PTPRM: variants seen among roughly 807,000 people sequenced by gnomAD.
PTPRM encodes protein tyrosine phosphatase receptor type M.
Under a neutral mutation model 186.7 loss-of-function variants are expected in PTPRM, and 47 were observed. The ratio of observed to expected loss-of-function variants is 0.25; its 90% confidence interval spans 0.20 to 0.32. The LOEUF (loss-of-function observed/expected upper bound fraction) is 0.32. Among genes scored for constraint, PTPRM ranks in the 10% least tolerant of loss-of-function variants. The probability of loss-of-function intolerance (pLI) is 1.00; values close to 1 mark genes in which losing one functional copy is unlikely to be tolerated. For missense variants in PTPRM, 1,494 were observed against 1,865.0 expected, an observed-to-expected ratio of 0.80 and a Z score of 3.66; for synonymous variants, 668 against 674.9, an observed-to-expected ratio of 0.99 and a Z score of 0.16.
rs2052776898 is a variant in PTPRM at position 7,949,323 on chromosome 18, G to T, written c.806G>T (p.Gly269Val). 1 of 1,613,846 alleles carries T rather than the reference G, an allele frequency of 6.2e-7. No homozygotes were observed. Among genetic ancestry groups the T allele is most frequent in the South Asian group, 1.1e-5 (1 of 91,030 alleles). ...ATGATTCGCACTGAAGGAGGTGTTGGAATATCAAACTATGCAGAGTTGGTA... is the reference window on the plus strand; with the variant it reads ...ATGATTCGCACTGAAGGAGGTGTTGTAATATCAAACTATGCAGAGTTGGTA... The part of the protein sequence containing the change: ...RCMIRTEGGV[G>V]ISNYAELVVK... Residue 269 changes from glycine (G) to valine (V), a missense_variant, in exon 6 of 33, where the codon GGA becomes GTA. Gly to Val is a moderately radical substitution (Grantham distance 109). Transcript: ENST00000580170.
At position 8,150,716 on chromosome 18, in the gene PTPRM, G is replaced by A. The variant is rs115682046; in HGVS notation, c.2300+6937G>A. Among the ~76,000 whole-genome samples, 358 of 152,234 alleles carry A rather than the reference G, an allele frequency of 2.4e-3. 1 individual carries two copies. Among genetic ancestry groups the A allele is most frequent in the African/African-American group, 8.2e-3 (339 of 41,548 alleles). ...GGCGAGGAATTATGATCCTTTGGAGGAGAAGAGACATTCTGGTTTTGGAAT... is the reference window on the plus strand; with the variant it reads ...GGCGAGGAATTATGATCCTTTGGAGAAGAAGAGACATTCTGGTTTTGGAAT... On this transcript the variant is annotated intron_variant, in intron 14 of 32. Coordinates refer to ENST00000580170, the MANE Select transcript of PTPRM (RefSeq NM_001105244.2).
At chr18:8,106,235 G>T (rs1235062213) in intron 11 of PTPRM, among the ~76,000 whole-genome samples, 1 of 152,174 alleles carries the variant, frequency 6.6e-6, no homozygotes, top group East Asian at 1.9e-4. Context: ...CCAGCTCATT[G>T]TCTTCCATCT....
chr18:7,938,928 A>G (rs1599624385), intron 5 of PTPRM, among the ~76,000 whole-genome samples: 1 of 152,312 alleles, frequency 6.6e-6, no homozygotes, highest in East Asian at 1.9e-4. Context: ...TTTTAGTTTT[A>G]GTACAGTACT....
intron 23 of PTPRM, among the ~76,000 whole-genome samples, chr18:8,359,568 ACTTTGT>A (rs1376539103): frequency 7.9e-5 from 12 of 152,120 alleles, no homozygotes; most frequent in African/African-American, 2.7e-4. Context: ...GTCACCTCTA[ACTTTGT>A]CTGCCACAGT....
intron 14 of PTPRM, among the ~76,000 whole-genome samples, chr18:8,224,114 C>A (rs1163330931): frequency 6.6e-6 from 1 of 152,162 alleles, no homozygotes; most frequent in Admixed American, 6.5e-5. Context: ...CAGATGGCTT[C>A]TTTAATGATG....
At chr18:8,009,736 A>AT (rs565834981) in intron 7 of PTPRM, among the ~76,000 whole-genome samples, 41 of 152,220 alleles carry the variant, frequency 2.7e-4, no homozygotes, top group South Asian at 1.0e-3. Flanking sequence ...AAAATAAAAA[A>AT]ATCACTTTTT....
intron 7 of PTPRM, among the ~76,000 whole-genome samples, chr18:7,957,252 T>A (rs1308402111): frequency 1.3e-5 from 2 of 152,120 alleles, no homozygotes; most frequent in African/African-American, 4.8e-5. Context: ...CATTGCTGTA[T>A]ATATATCCAC....
At chr18:7,809,671 G>A (rs561493692) in intron 2 of PTPRM, among the ~76,000 whole-genome samples, 55 of 152,168 alleles carry the variant, frequency 3.6e-4, no homozygotes, top group Non-Finnish European at 5.0e-4. Flanking sequence ...ATTTCCTACC[G>A]TAAGCTCATC....
intron 7 of PTPRM, among the ~76,000 whole-genome samples, chr18:7,963,282 AC>A (rs1438147109): frequency 6.6e-6 from 1 of 152,172 alleles, no homozygotes; most frequent in African/African-American, 2.4e-5. Flanking sequence ...TGTAATTAAT[AC>A]CTAAACCTCA....
At chr18:7,750,293 A>G (rs1253110054) in intron 1 of PTPRM, among the ~76,000 whole-genome samples, 1 of 152,228 alleles carries the variant, frequency 6.6e-6, no homozygotes, top group Non-Finnish European at 1.5e-5. Flanking sequence ...AGAACACTCA[A>G]GTGATTTCTA....
chr18:8,226,810 G>A lies in PTPRM; in HGVS notation c.2301-17248G>A, dbSNP rs573585066. 6.6e-5 allele frequency among the ~76,000 whole-genome samples: 10 copies of A among 152,304 alleles called. No homozygotes were observed. In the East Asian group the frequency reaches 1.9e-3, roughly 29 times the overall value. On this transcript the variant is annotated intron_variant, in intron 14 of 32. Coordinates refer to ENST00000580170, the MANE Select transcript of PTPRM (RefSeq NM_001105244.2). ...CTTGGCTAAAGTCAAGGTGTCAGCA[G>A]GGCTGTGTTCCTTTCTGGGACTCTA... is the stretch of plus-strand genomic sequence containing the variant.
chr18:8,155,937 AT>A (rs2093111891), intron 14 of PTPRM, among the ~76,000 whole-genome samples: 1 of 152,266 alleles, frequency 6.6e-6, no homozygotes, highest in South Asian at 2.1e-4. Context: ...TGTGACAATT[AT>A]TTAAAATATG....
chr18:7,882,614 GTGAAT>G (rs1021732978), intron 2 of PTPRM, among the ~76,000 whole-genome samples: 2 of 152,200 alleles, frequency 1.3e-5, no homozygotes, highest in Non-Finnish European at 2.9e-5. Context: ...AGTTTAAAAA[GTGAAT>G]TTTATAATAG....
At chr18:7,652,036 G>T (rs1294437212) in intron 1 of PTPRM, among the ~76,000 whole-genome samples, 1 of 152,144 alleles carries the variant, frequency 6.6e-6, no homozygotes, top group Non-Finnish European at 1.5e-5. Context: ...AATCTACAAT[G>T]AACTCAAACA....
intron 1 of PTPRM, among the ~76,000 whole-genome samples, chr18:7,665,060 A>G (rs929321400): frequency 1.3e-5 from 2 of 152,102 alleles, no homozygotes; most frequent in African/African-American, 4.8e-5. Context: ...GGAGGTGAAA[A>G]TGTAGGAGTT....
chr18:7,846,654 A>G (rs1768090543), intron 2 of PTPRM, among the ~76,000 whole-genome samples: 1 of 152,160 alleles, frequency 6.6e-6, no homozygotes. Flanking sequence ...GCCATGTTTT[A>G]TTAATTTCAC....
chr18:7,897,505 A>G (rs1207992671), intron 3 of PTPRM, among the ~76,000 whole-genome samples: 1 of 152,240 alleles, frequency 6.6e-6, no homozygotes, highest in Non-Finnish European at 1.5e-5. Context: ...CTTAAAAAAG[A>G]CAATATGTCT....
chr18:8,143,586 T>A, intron 13 of PTPRM, 61 bp from the exon 14 acceptor site: 1 of 1,512,940 alleles, frequency 6.6e-7, no homozygotes, highest in Non-Finnish European at 9.1e-7. Context: ...TTTTTTAAAC[T>A]GTGGCATCTT....
chr18:7,808,023 G>A (rs1296499547), intron 2 of PTPRM, among the ~76,000 whole-genome samples: 1 of 152,174 alleles, frequency 6.6e-6, no homozygotes, highest in Admixed American at 6.5e-5. Context: ...GAAGACGAGT[G>A]TTCCTGTGTC....
Sources: allele counts gnomAD v4.1 joint callset (sites outside exome capture counted in the v4.1 genomes callset), GRCh38; gene constraint gnomAD v4.1.1; transcripts MANE v1.5; gene names NCBI Gene and HGNC (gene_info 2026-07-23, HGNC 2026-07-21).